PCNX1: variants seen among roughly 807,000 people sequenced by gnomAD.
PCNX1 encodes the protein pecanex 1.
PCNX1 carries 78 observed loss-of-function variants against 242.2 expected under a neutral mutation model. The ratio of observed to expected loss-of-function variants is 0.32; its 90% CI spans 0.27 to 0.39. PCNX1 has a LOEUF of 0.39. PCNX1 is among the 10% of genes least tolerant of loss of function. The probability of loss-of-function intolerance (pLI) is 1.00; values close to 1 mark genes in which losing one functional copy is unlikely to be tolerated. For missense variants in PCNX1, 2,581 were observed against 2,856.5 expected, an observed-to-expected ratio of 0.90 and a Z score of 2.20; for synonymous variants, 1,024 against 1,032.9, an observed-to-expected ratio of 0.99 and a Z score of 0.17.
At position 70,907,748 on chromosome 14, in the gene PCNX1, TGGATAGACGGGGCA is replaced by T; in HGVS notation, c.-101_-88del. The T allele has an allele frequency of 8.7e-7, 1 of 1,154,224 alleles. No individual in the cohort carries two copies. Among genetic ancestry groups the T allele is most frequent in the Non-Finnish European group, 1.1e-6 (1 of 937,588 alleles). 71.5% of individuals were successfully genotyped at this position (1,154,224 alleles called of 1,614,324 possible). Reference sequence around the variant, plus strand: ...GCTCGCTCACCCGGAGCTCCGGAGGTGGATAGACGGGGCAGCTGCAGGCTCCGGCGACCGAGGCC... The same window carrying T: ...GCTCGCTCACCCGGAGCTCCGGAGGTGCTGCAGGCTCCGGCGACCGAGGCC... On this transcript the variant is annotated 5_prime_UTR_variant, in exon 1 of 36. The change abolishes the stop of an existing upstream ORF in the 5' untranslated region. Transcript: ENST00000304743.
intron 3 of PCNX1, 91 bp from the exon 4 acceptor site, chr14:70,968,107 A>T: frequency 1.1e-6 from 1 of 869,680 alleles, no homozygotes; most frequent in Non-Finnish European, 1.9e-6. Context: ...TTTTGATCAT[A>T]TAATTTTGTT....
At chr14:71,074,972 C>T (rs1283871172) in intron 27 of PCNX1, among the ~76,000 whole-genome samples, 3 of 146,704 alleles carry the variant, frequency 2.0e-5, no homozygotes, top group Non-Finnish European at 4.5e-5. Context: ...TTTTTCACAT[C>T]GTTTTTTCTT....
intron 2 of PCNX1, among the ~76,000 whole-genome samples, chr14:70,959,744 C>G (rs956456926): frequency 6.0e-5 from 9 of 150,454 alleles, no homozygotes; most frequent in African/African-American, 2.2e-4. Flanking sequence ...GGTATATACC[C>G]AGTAATGGAA....
chr14:71,026,368 T>C (rs938989584), intron 14 of PCNX1, 80 bp downstream of exon 14: 2 of 854,554 alleles, frequency 2.3e-6, no homozygotes, highest in Admixed American at 3.1e-5. Flanking sequence ...ATATCAATTA[T>C]ACAGCTTTAG....
At chr14:71,012,218 G>A (rs2059839057) in intron 10 of PCNX1, 1 of 152,684 alleles carries the variant, frequency 6.5e-6, no homozygotes, top group African/African-American at 2.4e-5. Context: ...ACTGTGGGAA[G>A]AAATGAGAGT....
At chr14:71,083,896 CGAG>C (rs1287775441) in intron 28 of PCNX1, among the ~76,000 whole-genome samples, 1 of 152,038 alleles carries the variant, frequency 6.6e-6, no homozygotes, top group Non-Finnish European at 1.5e-5. Flanking sequence ...CCCTTGCTGG[CGAG>C]GAGTTGTGAT....
chr14:70,949,567 T>A (rs567058032), intron 2 of PCNX1, among the ~76,000 whole-genome samples: 48 of 152,256 alleles, frequency 3.2e-4, no homozygotes, highest in Admixed American at 2.5e-3. Flanking sequence ...TTGTTTGAAT[T>A]GTATATTCTT....
At chr14:71,102,318 G>A (rs1254486206) in intron 31 of PCNX1, 98 bp downstream of exon 31, 4 of 760,458 alleles carry the variant, frequency 5.3e-6, no homozygotes, top group Non-Finnish European at 8.9e-6. Context: ...TTTGGGCCCA[G>A]GCTGGAATAC....
chr14:71,018,741 A>G (rs535596518), intron 11 of PCNX1, among the ~76,000 whole-genome samples: 23 of 152,344 alleles, frequency 1.5e-4, no homozygotes, highest in Admixed American at 1.4e-3. Context: ...GGAGAGTAAC[A>G]TTTTTAAAAT....
At position 71,108,696 on chromosome 14, in the gene PCNX1, A is replaced by T. The variant is rs777773456; in HGVS notation, c.6394A>T (p.Ser2132Cys). The T allele has an allele frequency of 6.2e-7, 1 of 1,614,204 alleles. No homozygotes were observed. The highest frequency in any genetic ancestry group is 8.5e-7 in the Non-Finnish European group (1 of 1,180,036). The change falls in exon 34 of 36, where the codon AGC becomes TGC. Residue 2132 changes from serine to cysteine, a missense_variant. Transcript: ENST00000304743. ...SVASQSSYCY[S>C]SRHSSLRMST... ...AGCCAGCCAGTCTTCCTACTGCTAT[A>T]GCAGCCGGCATTCATCCCTCCGGAT...
intron 1 of PCNX1, among the ~76,000 whole-genome samples, chr14:70,909,345 T>A (rs1217578680): frequency 6.6e-6 from 1 of 152,198 alleles, no homozygotes; most frequent in Non-Finnish European, 1.5e-5. Context: ...CTTGTTGCAT[T>A]CTGAAAATTT....
intron 1 of PCNX1, among the ~76,000 whole-genome samples, chr14:70,910,803 A>G (rs964788259): frequency 4.6e-5 from 7 of 152,224 alleles, no homozygotes; most frequent in Non-Finnish European, 1.0e-4. Context: ...TGTAAAGCAC[A>G]TGTAGTACTC....
Position 71,046,232 on chromosome 14 carries a change from G to A in PCNX1, c.4019-732G>A, listed in dbSNP as rs556343133. Among the ~76,000 whole-genome samples the A allele has an allele frequency of 1.3e-4, 20 of 152,110 alleles. No individual in the cohort carries two copies. The East Asian group carries it at 1.7e-3, about 13-fold the overall frequency. ...CTCAGAATGAGATATGTTTTTAATG[G>A]TGAACTATTACTGCTTTCATATATA... On this transcript the variant is annotated intron_variant, in intron 20 of 35. Coordinates refer to ENST00000304743, the MANE Select transcript of PCNX1 (RefSeq NM_014982.3).
intron 8 of PCNX1, among the ~76,000 whole-genome samples, chr14:70,996,555 A>T (rs965393316): frequency 3.3e-5 from 5 of 152,254 alleles, no homozygotes; most frequent in Admixed American, 6.5e-5. Context: ...AACATCAGTG[A>T]TACATACCTA....
At chr14:70,942,616 C>T (rs2057299262) in intron 1 of PCNX1, among the ~76,000 whole-genome samples, 1 of 152,158 alleles carries the variant, frequency 6.6e-6, no homozygotes, top group African/African-American at 2.4e-5. Context: ...ACAAAGGATA[C>T]AAATGAAAAG....
chr14:70,950,916 T>G (rs1406406323), intron 2 of PCNX1, among the ~76,000 whole-genome samples: 1 of 152,086 alleles, frequency 6.6e-6, no homozygotes, highest in African/African-American at 2.4e-5. Flanking sequence ...TGTCTTTATA[T>G]CCTGTAATTT....
At chr14:70,972,300 T>C (rs2058565437) in intron 5 of PCNX1, among the ~76,000 whole-genome samples, 1 of 151,862 alleles carries the variant, frequency 6.6e-6, no homozygotes, top group African/African-American at 2.4e-5. Context: ...TCAGGGCCTA[T>C]CAGGTGCTGT....
chr14:70,936,210 C>T (rs1347415418), intron 1 of PCNX1, among the ~76,000 whole-genome samples: 1 of 152,002 alleles, frequency 6.6e-6, no homozygotes, highest in Admixed American at 6.6e-5. Context: ...ATACATGTGC[C>T]ATGTTGGTGT....
chr14:70,976,166 G>A (rs926349903), intron 5 of PCNX1, among the ~76,000 whole-genome samples: 1 of 151,994 alleles, frequency 6.6e-6, no homozygotes. Flanking sequence ...TAATTGTGAC[G>A]GCATTGTGTC....
Sources: gnomAD v4.1 joint callset for allele counts (sites outside exome capture counted in the v4.1 genomes callset) on GRCh38, gnomAD v4.1.1 for gene constraint, MANE v1.5 for transcripts, NCBI Gene and HGNC (gene_info 2026-07-23, HGNC 2026-07-21) for gene names.